Variants in RASSF8 observed in about 807,000 individuals in gnomAD.
RASSF8 encodes the protein ras association domain-containing protein 8.
RASSF8 carries 22 observed loss-of-function variants against 48.5 expected under a neutral mutation model. That is an observed-to-expected ratio of 0.45 (90% confidence interval 0.32 to 0.65). RASSF8 has a LOEUF of 0.65. RASSF8 is among the 30% of genes least tolerant of loss of function. The pLI is 0.03. For synonymous variants in RASSF8, 127 were observed against 171.5 expected, an observed-to-expected ratio of 0.74 and a Z score of 2.03; for missense variants, 418 against 489.2, an observed-to-expected ratio of 0.85 and a Z score of 1.37.
chr12:26,016,677 T>G (rs188150276), intron 2 of RASSF8, among the ~76,000 whole-genome samples: 88 of 152,320 alleles, frequency 5.8e-4, no homozygotes, highest in Middle Eastern at 3.4e-3. Flanking sequence ...TTAAGTTGCT[T>G]ATAAAATTAG....
rs1332962247 is a variant in RASSF8, at chr12:25,959,147, G to T, written c.-204G>T. The T allele has an allele frequency of 6.6e-6, 1 of 151,834 alleles. No individual in the cohort carries two copies. The highest frequency in any genetic ancestry group is 1.5e-5 in the Non-Finnish European group (1 of 67,946). 9.4% of individuals were successfully genotyped at this position (151,834 alleles called of 1,614,324 possible). On this transcript the variant is annotated splice_region_variant and 5_prime_UTR_variant, in exon 1 of 6. Transcript: ENST00000689635. ...GCGGGGGCGGCGCAGTTGCGAAACT[G>T]AGTAAGTATTAACTTTACTTAGCGG...
rs1163681047 is a variant in RASSF8, at chr12:25,958,871, C to T, written c.-480C>T. On this transcript the variant is annotated 5_prime_UTR_variant, in exon 1 of 6. Coordinates refer to ENST00000689635, the MANE Select transcript of RASSF8 (RefSeq NM_001394098.1). ...GCGCTGGGGGCGGCTCCCGCGGCGT[C>T]TCTGCCGCTGGCCGAGCGCTCGCGC... 2 of 147,152 alleles carry T rather than the reference C, an allele frequency of 1.4e-5. No individual in the cohort carries two copies. The highest frequency in any genetic ancestry group is 4.9e-5 in the African/African-American group (2 of 40,970). The allele number at this position is 147,152 out of a possible 1,614,324, so 9.1% of individuals were successfully genotyped here.
At chr12:26,022,473 A>C (rs1451279073) in intron 2 of RASSF8, among the ~76,000 whole-genome samples, 1 of 152,190 alleles carries the variant, frequency 6.6e-6, no homozygotes, top group Admixed American at 6.5e-5. Context: ...AAGAAACAGG[A>C]AAGTGTGCCC....
At chr12:26,013,318 A>G (rs1049206401) in intron 2 of RASSF8, among the ~76,000 whole-genome samples, 2 of 152,212 alleles carry the variant, frequency 1.3e-5, no homozygotes, top group African/African-American at 2.4e-5. Flanking sequence ...TTTAAAATTC[A>G]TAAGACACTT....
At position 26,068,924 on chromosome 12, in the gene RASSF8, G is replaced by T; in HGVS notation, c.*106G>T. 3 of 1,463,330 alleles carry T rather than the reference G, an allele frequency of 2.1e-6. 1 individual carries two copies. In the South Asian group the frequency reaches 4.1e-5, roughly 20 times the overall value. 90.6% of individuals were successfully genotyped at this position (1,463,330 alleles called of 1,614,324 possible). A position where few individuals can be genotyped will look rare whatever the true frequency, so the allele number is the denominator to read the frequency against. The stretch of plus-strand genomic sequence containing the variant: ...CAGAGGATCTATTCCACAAGACGCT[G>T]TATGTTTTTTCTCTCCTAAATTGCA... On this transcript the variant is annotated 3_prime_UTR_variant, in exon 6 of 6. Transcript: ENST00000689635.
Position 26,055,336 on chromosome 12 carries a change from G to A in RASSF8, c.-8G>A, listed in dbSNP as rs370734277. 5.3e-5 allele frequency: 86 copies of A among 1,611,800 alleles called. No homozygotes were observed. In the African/African-American group the frequency reaches 9.5e-4, roughly 18 times the overall value. On this transcript the variant is annotated 5_prime_UTR_variant, in exon 3 of 6. Transcript: ENST00000689635. ...TCTCAGGGACCTTGAGTGACTGGCC[G>A]GTGCACCATGGAACTTAAAGTATGG...
In RASSF8 at chr12:26,070,257, T is replaced by G. The variant is rs567341349; in HGVS notation, c.*1439T>G. The G allele has an allele frequency of 4.1e-4, 407 of 984,024 alleles. No individual in the cohort carries two copies. Among genetic ancestry groups the G allele is most frequent in the Non-Finnish European group, 4.8e-4 (397 of 828,760 alleles). 61.0% of individuals were successfully genotyped at this position (984,024 alleles called of 1,614,324 possible). On this transcript the variant is annotated 3_prime_UTR_variant, in exon 6 of 6. Coordinates refer to ENST00000689635, the MANE Select transcript of RASSF8 (RefSeq NM_001394098.1). ...ATGGTAACAATAGAGCTATGTCTTA[T>G]GCATGAAGGCAACTTTGGATGTTTT...
At chr12:25,986,207 T>G (rs1941870942) in intron 1 of RASSF8, among the ~76,000 whole-genome samples, 1 of 152,162 alleles carries the variant, frequency 6.6e-6, no homozygotes. Flanking sequence ...AGGTGTGGCC[T>G]TGATTTACAT....
intron 2 of RASSF8, among the ~76,000 whole-genome samples, chr12:26,019,270 A>T (rs1178106106): frequency 6.6e-6 from 1 of 152,204 alleles, no homozygotes; most frequent in African/African-American, 2.4e-5. Flanking sequence ...TTTAAAGACC[A>T]TATGACTATA....
chr12:25,963,071 T>C (rs529914045), intron 1 of RASSF8, among the ~76,000 whole-genome samples: 1 of 152,264 alleles, frequency 6.6e-6, no homozygotes, highest in East Asian at 1.9e-4. Context: ...GATAACACGT[T>C]AGTCAGCTGC....
chr12:25,963,787 G>A (rs1941293301), intron 1 of RASSF8, among the ~76,000 whole-genome samples: 1 of 152,214 alleles, frequency 6.6e-6, no homozygotes, highest in African/African-American at 2.4e-5. Flanking sequence ...TTGAGCCCCT[G>A]TTGGGTGCTC....
chr12:26,054,067 T>C (rs1359663985), intron 2 of RASSF8, among the ~76,000 whole-genome samples: 5 of 152,228 alleles, frequency 3.3e-5, no homozygotes, highest in African/African-American at 1.2e-4. Flanking sequence ...AATTCTGAAA[T>C]ACCAGTGCCA....
chr12:25,989,394 CCT>C (rs1941962714), intron 1 of RASSF8, among the ~76,000 whole-genome samples: 1 of 152,054 alleles, frequency 6.6e-6, no homozygotes, highest in African/African-American at 2.4e-5. Flanking sequence ...CCCCCCACCC[CCT>C]CTTTCTTTCT....
chr12:26,024,486 G>C (rs1031591887), intron 2 of RASSF8, among the ~76,000 whole-genome samples: 2 of 151,152 alleles, frequency 1.3e-5, no homozygotes, highest in Admixed American at 6.6e-5. Flanking sequence ...GAATTACCCT[G>C]ATACCAAGAC....
intron 2 of RASSF8, among the ~76,000 whole-genome samples, chr12:26,007,267 A>C (rs756754557): frequency 3.3e-5 from 5 of 152,122 alleles, no homozygotes; most frequent in Non-Finnish European, 5.9e-5. Flanking sequence ...CTGGGGATCA[A>C]ATTTCAACAT....
At position 26,050,079 on chromosome 12, in the gene RASSF8, A is replaced by G. The variant is rs148049720; in HGVS notation, c.-108-5157A>G. Among the ~76,000 whole-genome samples the G allele has an allele frequency of 3.8e-3, 575 of 152,328 alleles. 1 individual carries two copies. Among genetic ancestry groups the G allele is most frequent in the Middle Eastern group, 0.01 (3 of 294 alleles). On this transcript the variant is annotated intron_variant, in intron 2 of 5. Coordinates refer to ENST00000689635, the MANE Select transcript of RASSF8 (RefSeq NM_001394098.1). ...ATTACAGGCGTGAGCCACCACGCCC[A>G]GCCAAAGACATAATTCTTAATAGAA...
chr12:25,973,659 G>T (rs1410899340), intron 1 of RASSF8: 1 of 152,168 alleles, frequency 6.6e-6, no homozygotes, highest in Non-Finnish European at 1.5e-5. Flanking sequence ...GGCATTTGGA[G>T]GTGGGGCCTT....
intron 1 of RASSF8, among the ~76,000 whole-genome samples, chr12:25,989,839 A>G (rs1051207621): frequency 2.6e-5 from 4 of 152,100 alleles, no homozygotes; most frequent in Non-Finnish European, 5.9e-5. Context: ...TGCTAAGAGC[A>G]GCATGGGATA....
In RASSF8 at chr12:26,064,902, A is replaced by G. The variant is rs1943833102; in HGVS notation, c.508A>G (p.Ile170Val). The change falls in exon 4 of 6, where the codon ATC (isoleucine) becomes GTC (valine). Residue 170 changes from isoleucine to valine, a missense_variant. Coordinates refer to ENST00000689635, the MANE Select transcript of RASSF8 (RefSeq NM_001394098.1). ...AACAGCAGATGAGTTGAAGAAGCTA[A>G]TCCGTCTGCAGACAGAGAAGCTTCA... is the stretch of plus-strand genomic sequence containing the variant. The part of the protein sequence containing the change: ...KTTADELKKL[I>V]RLQTEKLQSI... 3 of 1,614,130 alleles carry G rather than the reference A, an allele frequency of 1.9e-6. No individual in the cohort carries two copies. In the African/African-American group the frequency reaches 4.0e-5, roughly 22 times the overall value.
Sources: gnomAD v4.1 joint callset for allele counts (sites outside exome capture counted in the v4.1 genomes callset) on GRCh38, gnomAD v4.1.1 for gene constraint, MANE v1.5 for transcripts, NCBI Gene and HGNC (gene_info 2026-07-23, HGNC 2026-07-21) for gene names.